The following CDC40 variants were observed in gnomAD, a reference collection of about 807,000 sequenced individuals.
CDC40 encodes the protein pre-mRNA-processing factor 17.
A neutral mutation model predicts 80.6 loss-of-function variants in CDC40; 27 were observed. The observed-to-expected ratio is 0.33, with a 90% CI of 0.25 to 0.46. The LOEUF is 0.46. CDC40 is among the 20% of genes least tolerant of loss of function. CDC40 has a pLI of 1.00. For synonymous variants in CDC40, 221 were observed against 232.6 expected, an observed-to-expected ratio of 0.95 and a Z score of 0.45; for missense variants, 486 against 694.1, an observed-to-expected ratio of 0.70 and a Z score of 3.37.
chr6:110,228,970 A>C lies in CDC40; in HGVS notation c.1556A>C (p.Asp519Ala). Residue 519 changes from aspartate (D) to alanine (A), a missense_variant, in exon 14 of 15, where the codon GAC becomes GCC. Coordinates refer to ENST00000307731, the MANE Select transcript of CDC40 (RefSeq NM_015891.3). ...GYACQVDFSP[D>A]MSYVISGDGN... is the part of the protein sequence containing the mutation. Reference sequence around the variant, plus strand: ...GCTTGTCAGGTGGACTTTTCACCAGACATGAGGTAAGTTTAAATCTTCTAA... The same window carrying C: ...GCTTGTCAGGTGGACTTTTCACCAGCCATGAGGTAAGTTTAAATCTTCTAA... 6.2e-7 allele frequency: 1 copy of C among 1,600,454 alleles called. No homozygotes were observed.
rs1777926935 is a variant in CDC40, at chr6:110,230,813, T to C, written c.*682T>C. On this transcript the variant is annotated 3_prime_UTR_variant, in exon 15 of 15. Coordinates refer to ENST00000307731, the MANE Select transcript of CDC40 (RefSeq NM_015891.3). ...ATATATATTTAATCAGAGAATTACATTATATCTGAAGATGGAGCTCAGGAG... is the reference window on the plus strand; with the variant it reads ...ATATATATTTAATCAGAGAATTACACTATATCTGAAGATGGAGCTCAGGAG... 6.6e-6 allele frequency: 1 copy of C among 152,218 alleles called. No homozygotes were observed. The highest frequency in any genetic ancestry group is 1.5e-5 in the Non-Finnish European group (1 of 68,042). 9.4% of individuals were successfully genotyped at this position (152,218 alleles called of 1,614,324 possible).
chr6:110,231,437 T>A lies in CDC40; in HGVS notation c.*1306T>A, dbSNP rs1251930773. On this transcript the variant is annotated 3_prime_UTR_variant, in exon 15 of 15. Coordinates refer to ENST00000307731, the MANE Select transcript of CDC40 (RefSeq NM_015891.3). The stretch of plus-strand genomic sequence containing the variant: ...AATTGCTTGAACCCAGGAGTGGAGG[T>A]TGCAGTGAGCTGAGATCATGCCACT... 1 of 152,116 alleles carries A rather than the reference T, an allele frequency of 6.6e-6. No individual in the cohort carries two copies. The highest frequency in any genetic ancestry group is 2.4e-5 in the African/African-American group (1 of 41,400). 9.4% of individuals were successfully genotyped at this position (152,116 alleles called of 1,614,324 possible). A position where few individuals can be genotyped will look rare whatever the true frequency, so the allele number is the denominator to read the frequency against.
chr6:110,193,500 G>T (rs1262774095), intron 2 of CDC40, among the ~76,000 whole-genome samples: 2 of 152,016 alleles, frequency 1.3e-5, no homozygotes. Context: ...CGCCTCCTGG[G>T]TTCACACCAT....
intron 1 of CDC40, among the ~76,000 whole-genome samples, chr6:110,182,191 G>A (rs764248408): frequency 3.3e-4 from 50 of 152,226 alleles, no homozygotes; most frequent in Non-Finnish European, 5.9e-4. Flanking sequence ...AGGAATAACA[G>A]TAGTACCTAT....
intron 1 of CDC40, among the ~76,000 whole-genome samples, chr6:110,190,623 T>A (rs1466561369): frequency 6.6e-6 from 1 of 152,138 alleles, no homozygotes; most frequent in Non-Finnish European, 1.5e-5. Context: ...CAGTTGGATA[T>A]GTGGATCCAA....
chr6:110,203,237 G>C (rs1777515761), intron 3 of CDC40, among the ~76,000 whole-genome samples: 1 of 151,772 alleles, frequency 6.6e-6, no homozygotes, highest in Admixed American at 6.6e-5. Flanking sequence ...TTTTTTCTTT[G>C]CCCCCAGGTA....
In CDC40 at chr6:110,217,815, CT is replaced by C; in HGVS notation, c.1090+14del. On this transcript the variant is annotated intron_variant, in intron 10 of 14. Coordinates refer to ENST00000307731, the MANE Select transcript of CDC40 (RefSeq NM_015891.3). ...GGACACTGAGACAGGTAAGAGTTCA[CT>C]TATGCTAATACACATTCATCTTACA... is the stretch of plus-strand genomic sequence containing the variant. 1.6e-6 allele frequency: 2 copies of C among 1,287,370 alleles called. No individual in the cohort carries two copies. The highest frequency in any genetic ancestry group is 1.2e-5 in the South Asian group (1 of 84,234). The allele number at this position is 1,287,370 out of a possible 1,614,324, so 79.7% of individuals were successfully genotyped here. A position where few individuals can be genotyped will look rare whatever the true frequency, so the allele number is the denominator to read the frequency against.
intron 1 of CDC40, among the ~76,000 whole-genome samples, chr6:110,192,687 G>A (rs1380784988): frequency 6.6e-6 from 1 of 152,154 alleles, no homozygotes; most frequent in Non-Finnish European, 1.5e-5. Flanking sequence ...GTAATCTGGG[G>A]AATGAATTTA....
chr6:110,182,228 A>G (rs948771679), intron 1 of CDC40, among the ~76,000 whole-genome samples: 19 of 152,224 alleles, frequency 1.2e-4, no homozygotes, highest in Admixed American at 1.1e-3. Flanking sequence ...AATTGTCATA[A>G]AAGATGTAAA....
At chr6:110,227,346 G>A (rs1266774289) in intron 13 of CDC40, among the ~76,000 whole-genome samples, 1 of 152,122 alleles carries the variant, frequency 6.6e-6, no homozygotes, top group African/African-American at 2.4e-5. Context: ...AGAATTTGCT[G>A]TTCCATCAGG....
chr6:110,206,284 A>C (rs1412732227), intron 3 of CDC40, among the ~76,000 whole-genome samples: 1 of 152,156 alleles, frequency 6.6e-6, no homozygotes, highest in Non-Finnish European at 1.5e-5. Context: ...ACTACTTTGG[A>C]TGAAAAATGA....
intron 14 of CDC40, among the ~76,000 whole-genome samples, chr6:110,229,232 C>G (rs1423776429): frequency 6.6e-6 from 1 of 152,040 alleles, no homozygotes; most frequent in Non-Finnish European, 1.5e-5. Context: ...CTAATAAATC[C>G]CTGTCTATAT....
intron 13 of CDC40, among the ~76,000 whole-genome samples, chr6:110,228,379 C>T (rs892983449): frequency 6.6e-6 from 1 of 151,976 alleles, no homozygotes; most frequent in Non-Finnish European, 1.5e-5. Flanking sequence ...TTTAATATAT[C>T]TTTTTTTGTA....
intron 1 of CDC40, 41 bp from the exon 2 acceptor site, chr6:110,193,141 C>A: frequency 1.7e-6 from 2 of 1,195,902 alleles, no homozygotes; most frequent in African/African-American, 3.0e-5. Context: ...ATAAAATAGT[C>A]ATTTATCAGA....
intron 12 of CDC40, 77 bp from the exon 13 acceptor site, chr6:110,226,090 A>T (rs1777855898): frequency 2.6e-6 from 2 of 756,264 alleles, no homozygotes; most frequent in South Asian, 3.1e-5. Context: ...TTTGCATATT[A>T]TTCCTTTGTT....
At chr6:110,205,495 G>C (rs1326098187) in intron 3 of CDC40, among the ~76,000 whole-genome samples, 1 of 152,190 alleles carries the variant, frequency 6.6e-6, no homozygotes, top group African/African-American at 2.4e-5. Context: ...CTAATCACCT[G>C]GGGTGGAAGG....
chr6:110,190,403 T>C (rs1337084413), intron 1 of CDC40, among the ~76,000 whole-genome samples: 1 of 152,256 alleles, frequency 6.6e-6, no homozygotes, highest in Admixed American at 6.5e-5. Context: ...CCAGGCAAGA[T>C]ATAATGAAGC....
At chr6:110,203,710 C>A (rs889033468) in intron 3 of CDC40, among the ~76,000 whole-genome samples, 1 of 152,186 alleles carries the variant, frequency 6.6e-6, no homozygotes, top group Non-Finnish European at 1.5e-5. Context: ...AAAATAGTCT[C>A]ATTTACTGTG....
rs1044590716 is a variant in CDC40, at chr6:110,180,488, G to C, written c.44G>C (p.Gly15Ala). ...IAALAASYGS[G>A]SGSESDSDSE... Reference sequence around the variant, plus strand: ...GCTCTGGCCGCTTCCTATGGTTCGGGTTCAGGGTCCGAATCGGACTCGGAC... The same window carrying C: ...GCTCTGGCCGCTTCCTATGGTTCGGCTTCAGGGTCCGAATCGGACTCGGAC... Residue 15 changes from glycine (G) to alanine (A), a missense_variant, in exon 1 of 15, where the codon GGT becomes GCT. This residue lies in a region of CDC40 where 381 missense variants were observed against 492.1 expected (regional missense o/e 0.77). Transcript: ENST00000307731. 1 of 1,614,196 alleles carries C rather than the reference G, an allele frequency of 6.2e-7. No individual in the cohort carries two copies. The highest frequency in any genetic ancestry group is 8.5e-7 in the Non-Finnish European group (1 of 1,180,042).
Sources: gnomAD v4.1 joint callset for allele counts (sites outside exome capture counted in the v4.1 genomes callset) on GRCh38, gnomAD v4.1.1 for gene constraint, gnomAD v4.1.1 regional missense constraint, MANE v1.5 for transcripts, NCBI Gene and HGNC (gene_info 2026-07-23, HGNC 2026-07-21) for gene names.